Variants in PARVA observed in about 807,000 individuals in gnomAD.
PARVA encodes the protein parvin alpha, also known as alpha-parvin.
A neutral mutation model predicts 52.6 loss-of-function variants in PARVA; 25 were observed. The ratio of observed to expected loss-of-function variants is 0.48; its 90% CI spans 0.35 to 0.66. The LOEUF is 0.66. PARVA is among the 30% of genes least tolerant of loss of function. The probability of loss-of-function intolerance (pLI) is 0.01; values close to 1 mark genes in which losing one functional copy is unlikely to be tolerated. For missense variants in PARVA, 373 were observed against 450.9 expected (o/e 0.83, Z 1.56); for synonymous variants, 185 against 179.1 (o/e 1.03, Z -0.26).
chr11:12,513,887 G>A, intron 9 of PARVA, 110 bp from the exon 10 acceptor site: 1 of 972,514 alleles, frequency 1.0e-6, no homozygotes, highest in Non-Finnish European at 1.6e-6. Context: ...GGCTGGGCCT[G>A]ATCCTCTGCT....
chr11:12,393,044 G>GAAAAAAAAAAAAAAAAAAAAAAAAAAA (rs60966710), intron 1 of PARVA, among the ~76,000 whole-genome samples: 9 of 46,156 alleles, frequency 1.9e-4, no homozygotes, highest in East Asian at 6.0e-4. Context: ...CCCAAATTGT[G>GAAAAAAAAAAAAAAAAAAAAAAAAAAA]AAAAAAAAAA....
intron 1 of PARVA, among the ~76,000 whole-genome samples, chr11:12,455,465 T>C (rs1396918386): frequency 6.6e-6 from 1 of 152,208 alleles, no homozygotes; most frequent in Admixed American, 6.5e-5. Context: ...TATTAACTCA[T>C]GGATTTAAAT....
At position 12,532,435 on chromosome 11, in the gene PARVA, G is replaced by A. The variant is rs568371047; in HGVS notation, c.*4510G>A. Among the ~76,000 whole-genome samples, 12 of 152,218 alleles carry A rather than the reference G, an allele frequency of 7.9e-5. No homozygotes were observed. The highest frequency in any genetic ancestry group is 2.4e-4 in the African/African-American group (10 of 41,532). On this transcript the variant is annotated 3_prime_UTR_variant, in exon 13 of 13. Coordinates refer to ENST00000334956, the MANE Select transcript of PARVA (RefSeq NM_018222.5). ...TCCCAATCTTGTTTGATCACAGGAT[G>A]TATCTGTCCCCTGAGAAATTTCTAG...
upstream of PARVA, chr11:12,377,401 C>T: frequency 8.1e-6 from 11 of 1,361,646 alleles, no homozygotes; most frequent in Non-Finnish European, 1.0e-5. Context: ...ATCCTCCCTG[C>T]TTGGGGCAAC....
At chr11:12,402,491 C>T (rs751194468) in intron 1 of PARVA, among the ~76,000 whole-genome samples, 8 of 152,158 alleles carry the variant, frequency 5.3e-5, no homozygotes, top group Non-Finnish European at 7.3e-5. Flanking sequence ...CCCTTGGTCA[C>T]AAGAAGTTCT....
At chr11:12,446,616 T>G (rs975096336) in intron 1 of PARVA, among the ~76,000 whole-genome samples, 9 of 152,232 alleles carry the variant, frequency 5.9e-5, no homozygotes, top group African/African-American at 2.2e-4. Context: ...CAATGAATAT[T>G]ATTAAAATAT....
At chr11:12,415,199 G>C (rs1413838341) in intron 1 of PARVA, among the ~76,000 whole-genome samples, 5 of 152,180 alleles carry the variant, frequency 3.3e-5, no homozygotes, top group South Asian at 4.1e-4. Context: ...TTTGGGACTG[G>C]AAATCTGTGA....
At chr11:12,492,796 G>C (rs1941248940) in intron 4 of PARVA, among the ~76,000 whole-genome samples, 1 of 151,940 alleles carries the variant, frequency 6.6e-6, no homozygotes, top group Admixed American at 6.6e-5. Context: ...TAAGGCAATA[G>C]CTTTCATGTT....
intron 1 of PARVA, among the ~76,000 whole-genome samples, chr11:12,412,614 A>G (rs1198588526): frequency 6.6e-6 from 1 of 152,206 alleles, no homozygotes; most frequent in African/African-American, 2.4e-5. Context: ...CAGGCTCTGT[A>G]GCAAGGACAG....
chr11:12,496,357 T>TGCATGAGTGCATGCAG (rs1941298483), intron 4 of PARVA, 101 bp from the exon 5 acceptor site: 2 of 1,224,766 alleles, frequency 1.6e-6, no homozygotes, highest in Non-Finnish European at 2.3e-6. Flanking sequence ...AGTGCATGCA[T>TGCATGAGTGCATGCAG]GCATGAGTGC....
intron 1 of PARVA, among the ~76,000 whole-genome samples, chr11:12,428,738 G>T (rs1401202212): frequency 2.6e-5 from 4 of 152,150 alleles, no homozygotes; most frequent in Admixed American, 2.0e-4. Context: ...CAATTTTTTG[G>T]TGCTCACCCC....
intron 4 of PARVA, among the ~76,000 whole-genome samples, chr11:12,482,688 G>A (rs988225554): frequency 6.6e-6 from 1 of 151,658 alleles, no homozygotes; most frequent in Non-Finnish European, 1.5e-5. Context: ...GTGAGGCCTT[G>A]CAATCATGGC....
intron 1 of PARVA, among the ~76,000 whole-genome samples, chr11:12,420,965 A>G (rs1940140332): frequency 1.3e-5 from 2 of 151,828 alleles, no homozygotes; most frequent in South Asian, 4.2e-4. Context: ...TGGATCCTTC[A>G]ATGATCACTC....
At chr11:12,481,455 T>C (rs990872203) in intron 4 of PARVA, among the ~76,000 whole-genome samples, 9 of 152,168 alleles carry the variant, frequency 5.9e-5, no homozygotes, top group African/African-American at 2.2e-4. Flanking sequence ...GCATTTCCTT[T>C]GTTTCTCACA....
chr11:12,388,844 CTTG>C (rs1399026246), intron 1 of PARVA, among the ~76,000 whole-genome samples: 9 of 151,974 alleles, frequency 5.9e-5, no homozygotes, highest in Admixed American at 2.0e-4. Flanking sequence ...GAGTGATTAT[CTTG>C]TTGTTTACTT....
chr11:12,488,583 A>G (rs1941192129), intron 4 of PARVA, among the ~76,000 whole-genome samples: 2 of 152,204 alleles, frequency 1.3e-5, no homozygotes, highest in African/African-American at 2.4e-5. Context: ...GAATAGAGCC[A>G]TGGTCTTGAA....
intron 1 of PARVA, among the ~76,000 whole-genome samples, chr11:12,470,928 G>T (rs1164646428): frequency 6.6e-6 from 1 of 152,200 alleles, no homozygotes; most frequent in East Asian, 1.9e-4. Context: ...TGATAGGCCA[G>T]GCAAAAGATA....
At chr11:12,516,280 C>G (rs1589989005) in intron 10 of PARVA, among the ~76,000 whole-genome samples, 1 of 152,356 alleles carries the variant, frequency 6.6e-6, no homozygotes, top group East Asian at 1.9e-4. Context: ...ATGTGGCCTT[C>G]TCTAAACCCC....
At chr11:12,380,500 T>G (rs917507080) in intron 1 of PARVA, among the ~76,000 whole-genome samples, 1 of 150,954 alleles carries the variant, frequency 6.6e-6, no homozygotes, top group Non-Finnish European at 1.5e-5. Context: ...GTTCTCTGTC[T>G]TCTTGCCCGT....
Sources: gnomAD v4.1 joint callset for allele counts (sites outside exome capture counted in the v4.1 genomes callset) on GRCh38, gnomAD v4.1.1 for gene constraint, MANE v1.5 for transcripts, NCBI Gene and HGNC (gene_info 2026-07-23, HGNC 2026-07-21) for gene names.